PEX5: variants seen among roughly 807,000 people sequenced by gnomAD.
PEX5 encodes the protein peroxisomal biogenesis factor 5.
A neutral mutation model predicts 82.9 loss-of-function variants in PEX5; 52 were observed. The ratio of observed to expected loss-of-function variants is 0.63; its 90% CI spans 0.50 to 0.79. The LOEUF is 0.79. PEX5 is among the 30% of genes least tolerant of loss of function. The pLI, the probability that PEX5 is intolerant of heterozygous loss-of-function variation, is 0.00. For synonymous variants in PEX5, 300 were observed against 318.8 expected, an observed-to-expected ratio of 0.94 and a Z score of 0.63; for missense variants, 719 against 815.2, an observed-to-expected ratio of 0.88 and a Z score of 1.44.
At chr12:7,193,026 A>G (rs1038625765) in intron 5 of PEX5, among the ~76,000 whole-genome samples, 8 of 152,188 alleles carry the variant, frequency 5.3e-5, no homozygotes, top group African/African-American at 1.4e-4. Flanking sequence ...GTTAAGGTAG[A>G]ACAGTAGGTG....
downstream of PEX5, among the ~76,000 whole-genome samples, chr12:7,213,254 A>G (rs954999150): frequency 6.6e-6 from 1 of 151,932 alleles, no homozygotes; most frequent in African/African-American, 2.4e-5. Context: ...ACCAAAAAAG[A>G]GCCCACATCA....
intron 5 of PEX5, among the ~76,000 whole-genome samples, chr12:7,195,394 C>G (rs1309953021): frequency 1.3e-5 from 2 of 152,060 alleles, no homozygotes; most frequent in Non-Finnish European, 1.5e-5. Flanking sequence ...CAGTGTGTTA[C>G]TCTTTTGATT....
chr12:7,193,635 G>A (rs1385474255), intron 5 of PEX5, among the ~76,000 whole-genome samples: 2 of 152,194 alleles, frequency 1.3e-5, no homozygotes, highest in Non-Finnish European at 2.9e-5. Flanking sequence ...TTAGACTTAA[G>A]TGCTATCTCT....
rs1248238270 is a variant in PEX5 at position 7,197,485 on chromosome 12, A to AATTATATATGTTATATATAAT, written c.449-1524_449-1523insTATATATGTTATATATAATAT. Among the ~76,000 whole-genome samples the AATTATATATGTTATATATAAT allele has an allele frequency of 1.2e-4, 17 of 139,958 alleles. 2 individuals are homozygous for AATTATATATGTTATATATAAT. The highest frequency in any genetic ancestry group is 4.4e-4 in the African/African-American group (16 of 36,516). The allele number at this position is 139,958 out of a possible 152,430, so 91.8% of individuals were successfully genotyped here. ...TAATTATATATGTTATATATAATAT[A>AATTATATATGTTATATATAAT]ATAATTATATATGTTATATATAATG... On this transcript the variant is annotated intron_variant, in intron 5 of 15. Coordinates refer to ENST00000675855, the MANE Select transcript of PEX5 (RefSeq NM_001351132.2).
chr12:7,199,078 G>A lies in PEX5; in HGVS notation c.516G>A (p.Trp172Ter). 6.2e-7 allele frequency: 1 copy of A among 1,609,108 alleles called. No individual in the cohort carries two copies. Among genetic ancestry groups the A allele is most frequent in the Non-Finnish European group, 8.5e-7 (1 of 1,177,444 alleles). ...EYLEQSEEKL[W>*]LGEPEGTATD... Reference sequence around the variant, plus strand: ...TGGAGCAATCAGAGGAGAAGCTGTGGCTGGGAGAACCTGAGGGAACAGCCA... The same window carrying A: ...TGGAGCAATCAGAGGAGAAGCTGTGACTGGGAGAACCTGAGGGAACAGCCA... The change falls in exon 6 of 16, where the codon TGG becomes TGA. Residue 172 changes from tryptophan to a stop codon, truncating the protein, a stop_gained. Transcript: ENST00000675855. LOFTEE classifies it high-confidence loss of function.
intron 10 of PEX5, among the ~76,000 whole-genome samples, chr12:7,205,088 G>C (rs1263236776): frequency 9.9e-5 from 15 of 152,154 alleles, no homozygotes. Context: ...AGAAAACATA[G>C]GGAGAAAGTT....
chr12:7,190,818 C>A, intron 2 of PEX5, 70 bp from the exon 3 acceptor site: 1 of 1,435,040 alleles, frequency 7.0e-7, no homozygotes, highest in Non-Finnish European at 9.8e-7. Context: ...GGCTCAGATG[C>A]CTATGGGCTT....
rs992694575 is a variant in PEX5 at position 7,210,236 on chromosome 12, C to G, written c.*13C>G. 3 of 1,612,432 alleles carry G rather than the reference C, an allele frequency of 1.9e-6. No homozygotes were observed. The highest frequency in any genetic ancestry group is 2.7e-5 in the African/African-American group (2 of 74,906). On this transcript the variant is annotated 3_prime_UTR_variant, in exon 16 of 16. Coordinates refer to ENST00000675855, the MANE Select transcript of PEX5 (RefSeq NM_001351132.2). ...CCTGCCCCAGTGACAGTGGGACGGG[C>G]TGCCCTGTGAGTGTCCACCTGGAGG... is the stretch of plus-strand genomic sequence containing the variant.
chr12:7,208,686 C>A lies in PEX5; in HGVS notation c.1394+17C>A. The A allele has an allele frequency of 6.3e-7, 1 of 1,596,230 alleles. No homozygotes were observed. Among genetic ancestry groups the A allele is most frequent in the South Asian group, 1.1e-5 (1 of 90,672 alleles). ...CTTGTCTGAGTGAGTATGAGGGGTT[C>A]CTAGGATGAGGAATTACAGTAACCT... On this transcript the variant is annotated intron_variant, in intron 13 of 15. Transcript: ENST00000675855.
At chr12:7,216,056 C>A (rs1004680811), downstream of PEX5, among the ~76,000 whole-genome samples, 1 of 152,168 alleles carries the variant, frequency 6.6e-6, no homozygotes, top group African/African-American at 2.4e-5. Context: ...CAACCTCTGC[C>A]TCCCCGGTTC....
chr12:7,206,696 A>G (rs1944840471), intron 10 of PEX5, among the ~76,000 whole-genome samples: 1 of 137,998 alleles, frequency 7.2e-6, no homozygotes, highest in African/African-American at 2.5e-5. Flanking sequence ...AGTGTTTTTG[A>G]TTCTTTATCA....
intron 4 of PEX5, 99 bp from the exon 5 acceptor site, chr12:7,191,470 A>T: frequency 6.3e-7 from 1 of 1,596,466 alleles, no homozygotes; most frequent in Non-Finnish European, 8.6e-7. Flanking sequence ...AGAAGGAGAC[A>T]AAAGTAACAG....
intron 6 of PEX5, among the ~76,000 whole-genome samples, chr12:7,200,226 C>T (rs1215018771): frequency 6.6e-6 from 1 of 150,518 alleles, no homozygotes; most frequent in Non-Finnish European, 1.5e-5. Flanking sequence ...CGCGGCCAGG[C>T]AGAGGCGCTC....
At chr12:7,197,538 A>ATAATTATG (rs1565689827) in intron 5 of PEX5, among the ~76,000 whole-genome samples, 26 of 119,400 alleles carry the variant, frequency 2.2e-4, no homozygotes, top group African/African-American at 7.5e-4. Flanking sequence ...ATATAATGTA[A>ATAATTATG]TTATATATGT....
At chr12:7,200,005 G>A (rs1366236524) in intron 6 of PEX5, among the ~76,000 whole-genome samples, 3 of 128,752 alleles carry the variant, frequency 2.3e-5, no homozygotes, top group Non-Finnish European at 3.3e-5. Context: ...CGGACGGGGC[G>A]GCTGGCCAGG....
intron 1 of PEX5, chr12:7,189,977 C>T (rs766268553): frequency 6.7e-7 from 1 of 1,499,376 alleles, no homozygotes; most frequent in South Asian, 1.3e-5. Flanking sequence ...CTGCGCGGGG[C>T]TAGGTATGGT....
chr12:7,208,872 T>G, intron 13 of PEX5, 133 bp from the exon 14 acceptor site: 2 of 968,390 alleles, frequency 2.1e-6, no homozygotes, highest in South Asian at 2.6e-5. Context: ...TATATTGGAC[T>G]TTGAGAGTAG....
Position 7,190,008 on chromosome 12 carries a change from C to T in PEX5, c.-17+258C>T, listed in dbSNP as rs780869671. 3.3e-6 allele frequency: 5 copies of T among 1,504,368 alleles called. No homozygotes were observed. In the South Asian group the frequency reaches 5.1e-5, roughly 15 times the overall value. The allele number at this position is 1,504,368 out of a possible 1,614,324, so 93.2% of individuals were successfully genotyped here. ...ATGGTCGGGCTGTTTTCCCACTGTC[C>T]CTTCTTCGGGCAGTGTCGCCGTCCA... is the stretch of plus-strand genomic sequence containing the variant. On this transcript the variant is annotated intron_variant, in intron 1 of 15. Coordinates refer to ENST00000675855, the MANE Select transcript of PEX5 (RefSeq NM_001351132.2).
chr12:7,198,757 A>G (rs1565692684), intron 5 of PEX5, among the ~76,000 whole-genome samples: 1 of 152,158 alleles, frequency 6.6e-6, no homozygotes, highest in African/African-American at 2.4e-5. Context: ...CTTTCCTGAG[A>G]TTCCTTATTT....
Sources: gnomAD v4.1 joint callset for allele counts (sites outside exome capture counted in the v4.1 genomes callset) on GRCh38, gnomAD v4.1.1 for gene constraint, MANE v1.5 for transcripts, NCBI Gene and HGNC (gene_info 2026-07-23, HGNC 2026-07-21) for gene names.